The following SLCO3A1 variants were observed in gnomAD, a reference collection of about 807,000 sequenced individuals.
SLCO3A1 encodes solute carrier organic anion transporter family member 3A1, also known as PGE1 transporter.
In SLCO3A1, 27 loss-of-function variants were observed where a neutral mutation model predicts 63.1. The ratio of observed to expected loss-of-function variants is 0.43; its 90% confidence interval spans 0.32 to 0.59. The LOEUF (loss-of-function observed/expected upper bound fraction) is 0.59. Among genes scored for constraint, SLCO3A1 ranks in the 20% least tolerant of loss-of-function variants. The pLI, the probability that SLCO3A1 is intolerant of heterozygous loss-of-function variation, is 0.09. For synonymous variants in SLCO3A1, 473 were observed against 409.9 expected (o/e 1.15, Z -1.86); for missense variants, 773 against 945.8 (o/e 0.82, Z 2.40).
At chr15:92,145,205 CCAGT>C (rs2048205241) in intron 7 of SLCO3A1, among the ~76,000 whole-genome samples, 1 of 152,092 alleles carries the variant, frequency 6.6e-6, no homozygotes, top group African/African-American at 2.4e-5. Context: ...GAAACAGAAG[CCAGT>C]CAGAGTCAGC....
intron 7 of SLCO3A1, among the ~76,000 whole-genome samples, chr15:92,140,436 G>GA (rs1244149588): frequency 6.6e-6 from 1 of 151,034 alleles, no homozygotes; most frequent in Non-Finnish European, 1.5e-5. Context: ...GTGTGGTGCT[G>GA]AAAAAAACGT....
intron 1 of SLCO3A1, among the ~76,000 whole-genome samples, chr15:91,879,170 T>C: frequency 6.6e-6 from 1 of 152,228 alleles, no homozygotes; most frequent in East Asian, 1.9e-4. Flanking sequence ...CATGGTTATA[T>C]AGAATATCTG....
rs1418721615 is a variant in SLCO3A1 at position 91,942,987 on chromosome 15, A to G, written c.646+26529A>G. Reference sequence around the variant, plus strand: ...CTCGTTCTGCCTCCCTTTCTCTCCTAAAAGCATCTCCCTTGACCTTCTGTC... The same window carrying G: ...CTCGTTCTGCCTCCCTTTCTCTCCTGAAAGCATCTCCCTTGACCTTCTGTC... On this transcript the variant is annotated intron_variant, in intron 2 of 9. Coordinates refer to ENST00000318445, the MANE Select transcript of SLCO3A1 (RefSeq NM_013272.4). The surrounding 1 kb of genome is among the most constrained non-coding windows in gnomAD (Gnocchi z 4.1). Among the ~76,000 whole-genome samples the G allele has an allele frequency of 6.6e-6, 1 of 152,178 alleles. No individual in the cohort carries two copies. The highest frequency in any genetic ancestry group is 1.5e-5 in the Non-Finnish European group (1 of 68,006).
At chr15:91,987,149 T>C (rs1179494183) in intron 2 of SLCO3A1, among the ~76,000 whole-genome samples, 1 of 152,166 alleles carries the variant, frequency 6.6e-6, no homozygotes, top group African/African-American at 2.4e-5. Context: ...AAAAACCGTA[T>C]AGTTGAGAAG....
intron 1 of SLCO3A1, among the ~76,000 whole-genome samples, chr15:91,911,638 T>A (rs1302576706): frequency 2.6e-5 from 4 of 152,164 alleles, no homozygotes; most frequent in Non-Finnish European, 5.9e-5. Flanking sequence ...ATTTAGATTT[T>A]TTTTTTGAGA....
In SLCO3A1 at chr15:91,886,407, G is replaced by C. The variant is rs189898518; in HGVS notation, c.181-29586G>C. On this transcript the variant is annotated intron_variant, in intron 1 of 9. Coordinates refer to ENST00000318445, the MANE Select transcript of SLCO3A1 (RefSeq NM_013272.4). The surrounding 1 kb of genome is among the most constrained non-coding windows in gnomAD (Gnocchi z 4.9). ...CCCCTGGCCCGCTGCACCTACCTTG[G>C]GTCTGGGTGGCTCCTGTTTGTGTCC... Among the ~76,000 whole-genome samples the C allele has an allele frequency of 6.6e-6, 1 of 152,220 alleles. No individual in the cohort carries two copies. The highest frequency in any genetic ancestry group is 1.9e-4 in the East Asian group (1 of 5,180).
chr15:92,080,435 GA>G (rs927284650), intron 2 of SLCO3A1, among the ~76,000 whole-genome samples: 4 of 150,270 alleles, frequency 2.7e-5, no homozygotes, highest in African/African-American at 9.8e-5. Flanking sequence ...CAGAACTATA[GA>G]AAAAGTCTCA....
In SLCO3A1 at chr15:92,162,865, C is replaced by G; in HGVS notation, c.1863C>G (p.Val621=). Residue 621 remains valine (V), a synonymous_variant, in exon 10 of 10, where the codon GTC becomes GTG. Transcript: ENST00000318445. ...CCTGCGTCCTCTACGACAATGTGGT[C>G]TACCGATACCTGTATGTCAGCATCG... ...QGACVLYDNV[V]YRYLYVSIAI... is the part of the protein sequence containing the mutation. 2 of 1,614,228 alleles carry G rather than the reference C, an allele frequency of 1.2e-6. No individual in the cohort carries two copies. Among genetic ancestry groups the G allele is most frequent in the South Asian group, 2.2e-5 (2 of 91,076 alleles).
At chr15:91,877,090 C>A (rs542494521) in intron 1 of SLCO3A1, among the ~76,000 whole-genome samples, 1 of 152,184 alleles carries the variant, frequency 6.6e-6, no homozygotes, top group Non-Finnish European at 1.5e-5. Flanking sequence ...ACTTATGTGA[C>A]TTGATTTATT....
intron 2 of SLCO3A1, among the ~76,000 whole-genome samples, chr15:91,955,457 C>G (rs984419941): frequency 5.9e-5 from 9 of 152,120 alleles, no homozygotes; most frequent in African/African-American, 2.2e-4. Flanking sequence ...CTCAGCCTCT[C>G]TAGTAGCTGG....
intron 2 of SLCO3A1, among the ~76,000 whole-genome samples, chr15:92,081,076 A>G (rs2047339761): frequency 6.6e-6 from 1 of 151,818 alleles, no homozygotes; most frequent in South Asian, 2.1e-4. Context: ...TCAAGCATTT[A>G]TCATTTCTTT....
At chr15:92,053,092 T>C (rs2046976977) in intron 2 of SLCO3A1, among the ~76,000 whole-genome samples, 1 of 152,126 alleles carries the variant, frequency 6.6e-6, no homozygotes, top group Non-Finnish European at 1.5e-5. Context: ...TTTCTGGACA[T>C]TTATTCACAA....
intron 2 of SLCO3A1, among the ~76,000 whole-genome samples, chr15:92,043,554 C>A (rs763970430): frequency 6.6e-5 from 10 of 152,222 alleles, no homozygotes; most frequent in African/African-American, 2.2e-4. Context: ...TGCTTTGATA[C>A]CTTTTTGTTC....
Position 91,968,792 on chromosome 15 carries a change from A to G in SLCO3A1, c.646+52334A>G, listed in dbSNP as rs545863105. On this transcript the variant is annotated intron_variant, in intron 2 of 9. Coordinates refer to ENST00000318445, the MANE Select transcript of SLCO3A1 (RefSeq NM_013272.4). This position sits in a 1 kb window ranked among gnomAD's most constrained non-coding sequence, Gnocchi z 4.2. ...TTTGTGCGCTCACAGCAGGCACTGC[A>G]CTGTCCGTGGTTACCCTTAGGGTGG... Among the ~76,000 whole-genome samples the G allele has an allele frequency of 1.3e-5, 2 of 152,322 alleles. No homozygotes were observed. The highest frequency in any genetic ancestry group is 2.4e-5 in the African/African-American group (1 of 41,578).
At chr15:92,072,487 T>C (rs2047228472) in intron 2 of SLCO3A1, among the ~76,000 whole-genome samples, 1 of 152,212 alleles carries the variant, frequency 6.6e-6, no homozygotes, top group Admixed American at 6.5e-5. Context: ...TGTTTTTCTT[T>C]AAACAAAAGA....
At chr15:91,944,839 C>T (rs1899748548) in intron 2 of SLCO3A1, among the ~76,000 whole-genome samples, 1 of 152,148 alleles carries the variant, frequency 6.6e-6, no homozygotes, top group Admixed American at 6.5e-5. Context: ...CTTTCTCTCC[C>T]CCTCTTTTTT....
rs147991710 is a variant in SLCO3A1, at chr15:91,974,265, G to GTTGTTGTTGTTATTATTATTATTATTA, written c.646+57809_646+57810insGTTGTTGTTATTATTATTATTATTATT. ...CTAAACGGACACCATTTTCATTATT[G>GTTGTTGTTGTTATTATTATTATTATTA]TTATTATTATTATTATTATTATTAT... On this transcript the variant is annotated intron_variant, in intron 2 of 9. Transcript: ENST00000318445. Among the ~76,000 whole-genome samples, 291 of 142,950 alleles carry GTTGTTGTTGTTATTATTATTATTATTA rather than the reference G, an allele frequency of 2.0e-3. 2 individuals carry two copies. The East Asian group carries it at 0.032, about 16-fold the overall frequency. The allele number at this position is 142,950 out of a possible 152,430, so 93.8% of individuals were successfully genotyped here. A position where few individuals can be genotyped will look rare whatever the true frequency, so the allele number is the denominator to read the frequency against.
chr15:92,014,690 T>C (rs970446705), intron 2 of SLCO3A1, among the ~76,000 whole-genome samples: 1 of 152,162 alleles, frequency 6.6e-6, no homozygotes, highest in African/African-American at 2.4e-5. Flanking sequence ...ACAACATTTA[T>C]TGGGTGCCTA....
rs140561430 is a variant in SLCO3A1 at position 91,892,948 on chromosome 15, T to C, written c.181-23045T>C. Among the ~76,000 whole-genome samples, 788 of 152,376 alleles carry C rather than the reference T, an allele frequency of 5.2e-3. 8 individuals are homozygous for C. The highest frequency in any genetic ancestry group is 0.018 in the African/African-American group (746 of 41,592). On this transcript the variant is annotated intron_variant, in intron 1 of 9. Transcript: ENST00000318445. ...TGGTGCATAGCAGGTGCTATGACAA[T>C]GTTTTGTTACTGTTATTTTTAGCAC...
Sources: gnomAD v4.1 joint callset for allele counts (sites outside exome capture counted in the v4.1 genomes callset) on GRCh38, gnomAD v4.1.1 for gene constraint, Gnocchi (gnomAD v3.1) non-coding constraint, MANE v1.5 for transcripts, NCBI Gene and HGNC (gene_info 2026-07-23, HGNC 2026-07-21) for gene names.